C1QTNF2: variants seen among roughly 807,000 people sequenced by gnomAD.
C1QTNF2 encodes the protein complement C1q tumor necrosis factor-related protein 2.
C1QTNF2 carries 15 observed loss-of-function variants against 17.4 expected under a neutral mutation model. The ratio of observed to expected loss-of-function variants is 0.86; its 90% CI spans 0.58 to 1.33. C1QTNF2 has a LOEUF of 1.33. Among genes scored for constraint, C1QTNF2 ranks in the 40% most tolerant of loss-of-function variants. The probability of loss-of-function intolerance (pLI) is 0.00; values close to 1 mark genes in which losing one functional copy is unlikely to be tolerated. For missense variants in C1QTNF2, 381 were observed against 392.3 expected, an observed-to-expected ratio of 0.97 and a Z score of 0.24; for synonymous variants, 154 against 163.3, an observed-to-expected ratio of 0.94 and a Z score of 0.44.
intron 1 of C1QTNF2, among the ~76,000 whole-genome samples, chr5:160,361,535 G>A (rs934496598): frequency 3.3e-5 from 5 of 152,176 alleles, no homozygotes; most frequent in African/African-American, 7.2e-5. Context: ...ATTTAACTCC[G>A]TGGTTAAGAG....
chr5:160,349,629 C>G lies in C1QTNF2; in HGVS notation c.397G>C (p.Gly133Arg), dbSNP rs775120128. ...PGKKGPKGKK[G>R]EPGLPGPCSC... Reference sequence around the variant, plus strand: ...CAGGGGCCTGGGAGGCCTGGCTCCCCCTTCTTGCCCTTGGGCCCCTTCTTG... The same window carrying G: ...CAGGGGCCTGGGAGGCCTGGCTCCCGCTTCTTGCCCTTGGGCCCCTTCTTG... Residue 133 changes from glycine to arginine, a missense_variant, in exon 3 of 3, where the codon GGG becomes CGG. By Grantham distance (125) the Gly-to-Arg change is moderately radical. Coordinates refer to ENST00000652664, the MANE Select transcript of C1QTNF2 (RefSeq NM_031908.6). This position sits in a 1 kb window ranked among gnomAD's most constrained non-coding sequence, Gnocchi z 4.3. 1.2e-6 allele frequency: 2 copies of G among 1,613,750 alleles called. No homozygotes were observed. The highest frequency in any genetic ancestry group is 1.1e-5 in the South Asian group (1 of 91,062).
intron 1 of C1QTNF2, among the ~76,000 whole-genome samples, chr5:160,364,823 C>T (rs1167636901): frequency 6.6e-6 from 1 of 152,132 alleles, no homozygotes; most frequent in Non-Finnish European, 1.5e-5. Context: ...CGTGTCTGTG[C>T]TCCATAATAC....
In C1QTNF2 at chr5:160,349,639, C is replaced by T. The variant is rs1308003130; in HGVS notation, c.387G>A (p.Lys129=). The change falls in exon 3 of 3, where the codon AAG becomes AAA. Residue 129 remains lysine, a synonymous_variant. Transcript: ENST00000652664. The surrounding 1 kb of genome is among the most constrained non-coding windows in gnomAD (Gnocchi z 4.3). ...KHGTPGKKGP[K]GKKGEPGLPG... is the part of the protein sequence containing the mutation. ...GGAGGCCTGGCTCCCCCTTCTTGCCCTTGGGCCCCTTCTTGCCTGGTGTGC... is the reference window on the plus strand; with the variant it reads ...GGAGGCCTGGCTCCCCCTTCTTGCCTTTGGGCCCCTTCTTGCCTGGTGTGC... 3 of 1,613,730 alleles carry T rather than the reference C, an allele frequency of 1.9e-6. No individual in the cohort carries two copies. Among genetic ancestry groups the T allele is most frequent in the Non-Finnish European group, 2.5e-6 (3 of 1,179,982 alleles).
chr5:160,364,353 C>T (rs1450489794), intron 1 of C1QTNF2, among the ~76,000 whole-genome samples: 1 of 152,224 alleles, frequency 6.6e-6, no homozygotes, highest in Non-Finnish European at 1.5e-5. Flanking sequence ...GTCTCCTCCT[C>T]TCCAACATGA....
intron 1 of C1QTNF2, among the ~76,000 whole-genome samples, chr5:160,363,087 C>T (rs6871144): frequency 0.48 from 73,309 of 152,060 alleles, 17,749 homozygotes; most frequent in Middle Eastern, 0.56. Flanking sequence ...TCTCACCCAG[C>T]AGGGCAATTC....
chr5:160,349,067 G>GC lies in C1QTNF2; in HGVS notation c.*100dup, dbSNP rs1763854598. On this transcript the variant is annotated 3_prime_UTR_variant, in exon 3 of 3. Coordinates refer to ENST00000652664, the MANE Select transcript of C1QTNF2 (RefSeq NM_031908.6). The surrounding 1 kb of genome is among the most constrained non-coding windows in gnomAD (Gnocchi z 4.3). ...AGGAGGTGAGCCTGAGGCTAGAACC[G>GC]CTCACTCGACCCCCCACCCCCAGCC... 3 of 1,432,322 alleles carry GC rather than the reference G, an allele frequency of 2.1e-6. No homozygotes were observed. In the East Asian group the frequency reaches 6.9e-5, roughly 33 times the overall value. 88.7% of individuals were successfully genotyped at this position (1,432,322 alleles called of 1,614,324 possible).
At position 160,349,921 on chromosome 5, in the gene C1QTNF2, G is replaced by A. The variant is rs753743422; in HGVS notation, c.245-140C>T. 2.0e-6 allele frequency: 2 copies of A among 982,608 alleles called. No individual in the cohort carries two copies. Among genetic ancestry groups the A allele is most frequent in the South Asian group, 4.0e-5 (2 of 50,012 alleles). The allele number at this position is 982,608 out of a possible 1,614,324, so 60.9% of individuals were successfully genotyped here. A position where few individuals can be genotyped will look rare whatever the true frequency, so the allele number is the denominator to read the frequency against. On this transcript the variant is annotated intron_variant, in intron 2 of 2. Coordinates refer to ENST00000652664, the MANE Select transcript of C1QTNF2 (RefSeq NM_031908.6). This position sits in a 1 kb window ranked among gnomAD's most constrained non-coding sequence, Gnocchi z 4.3. ...AAGAAGGCTTTGCAGACATATAGAA[G>A]TGGGTGTAAATCCTAATGCTAGCTC...
At chr5:160,363,822 A>T (rs929378392) in intron 1 of C1QTNF2, among the ~76,000 whole-genome samples, 3 of 152,210 alleles carry the variant, frequency 2.0e-5, no homozygotes, top group African/African-American at 7.2e-5. Flanking sequence ...CGTGGAGACC[A>T]AGGACTGCCA....
intron 1 of C1QTNF2, among the ~76,000 whole-genome samples, chr5:160,368,791 G>A (rs749202705): frequency 6.6e-6 from 1 of 150,814 alleles, no homozygotes; most frequent in Non-Finnish European, 1.5e-5. Flanking sequence ...AAGGAATAGC[G>A]AGACAGGGGG....
intron 1 of C1QTNF2, among the ~76,000 whole-genome samples, chr5:160,369,167 T>G (rs1343215346): frequency 6.6e-6 from 1 of 152,150 alleles, no homozygotes; most frequent in African/African-American, 2.4e-5. Context: ...CTTTCAGAAT[T>G]GGGAGGGGGT....
chr5:160,357,896 C>T (rs956259597), intron 1 of C1QTNF2, among the ~76,000 whole-genome samples: 2 of 152,084 alleles, frequency 1.3e-5, no homozygotes, highest in Non-Finnish European at 2.9e-5. Flanking sequence ...GAGAGCCAGC[C>T]GGACGAGAGA....
intron 1 of C1QTNF2, among the ~76,000 whole-genome samples, chr5:160,363,793 C>T (rs1764197778): frequency 6.6e-6 from 1 of 152,204 alleles, no homozygotes; most frequent in Non-Finnish European, 1.5e-5. Context: ...TTGGCATTGT[C>T]TGCAGCTGTT....
chr5:160,360,761 A>G (rs987040078), intron 1 of C1QTNF2, among the ~76,000 whole-genome samples: 7 of 152,044 alleles, frequency 4.6e-5, no homozygotes, highest in African/African-American at 1.4e-4. Flanking sequence ...TAAACCCCAG[A>G]AATGGAATTG....
rs554012491 is a variant in C1QTNF2, at chr5:160,369,433, C to G, written c.-10+1079G>C. On this transcript the variant is annotated intron_variant, in intron 1 of 2. Transcript: ENST00000652664. ...GGAAATGTGTGGAGAGTTTGAGGAT[C>G]GGGCAGTTGAAAGCAGGAGTAATTG... Among the ~76,000 whole-genome samples, 3 of 152,066 alleles carry G rather than the reference C, an allele frequency of 2.0e-5. No homozygotes were observed. In the East Asian group the frequency reaches 5.8e-4, roughly 29 times the overall value.
intron 2 of C1QTNF2, among the ~76,000 whole-genome samples, chr5:160,353,854 A>G (rs1308426199): frequency 2.4e-5 from 3 of 124,872 alleles, no homozygotes; most frequent in Non-Finnish European, 4.7e-5. Context: ...CCCAGGCTGG[A>G]GTGCAGTGGC....
At position 160,367,507 on chromosome 5, in the gene C1QTNF2, G is replaced by A. The variant is rs144836064; in HGVS notation, c.-10+3005C>T. Among the ~76,000 whole-genome samples, 38 of 152,270 alleles carry A rather than the reference G, an allele frequency of 2.5e-4. 1 individual carries two copies. The highest frequency in any genetic ancestry group is 8.5e-4 in the Admixed American group (13 of 15,292). ...GCCCTAATCCAGTATGAGTGGTGTC[G>A]TTACATTAAGAGGAGATCAGGACAC... is the stretch of plus-strand genomic sequence containing the variant. On this transcript the variant is annotated intron_variant, in intron 1 of 2. Transcript: ENST00000652664.
chr5:160,352,918 A>G (rs1453160655), intron 2 of C1QTNF2, among the ~76,000 whole-genome samples: 2 of 152,222 alleles, frequency 1.3e-5, no homozygotes, highest in Admixed American at 1.3e-4. Context: ...TTGTATGTCT[A>G]TGCTGAGACT....
intron 1 of C1QTNF2, among the ~76,000 whole-genome samples, chr5:160,356,925 G>A (rs1157261958): frequency 3.3e-5 from 5 of 152,154 alleles, no homozygotes; most frequent in African/African-American, 1.2e-4. Flanking sequence ...AGATGCTGAG[G>A]GGAAGGCCTA....
At chr5:160,354,389 C>A (rs957280925) in intron 2 of C1QTNF2, among the ~76,000 whole-genome samples, 2 of 151,396 alleles carry the variant, frequency 1.3e-5, no homozygotes, top group Non-Finnish European at 2.9e-5. Flanking sequence ...ACCAGCCTGG[C>A]CAACATGGTG....
Sources: allele counts gnomAD v4.1 joint callset (sites outside exome capture counted in the v4.1 genomes callset), GRCh38; gene constraint gnomAD v4.1.1; non-coding constraint Gnocchi (gnomAD v3.1); transcripts MANE v1.5; gene names NCBI Gene and HGNC (gene_info 2026-07-23, HGNC 2026-07-21).